The following COG5 variants were observed in gnomAD, a reference collection of about 807,000 sequenced individuals.
COG5 encodes conserved oligomeric Golgi complex subunit 5.
A neutral mutation model predicts 110.4 loss-of-function variants in COG5; 86 were observed. The observed-to-expected ratio is 0.78, with a 90% CI of 0.65 to 0.93. The LOEUF (loss-of-function observed/expected upper bound fraction) is 0.93. Ranked by LOEUF, COG5 falls within the 40% of genes least tolerant of loss-of-function variation. The pLI, the probability that COG5 is intolerant of heterozygous loss-of-function variation, is 0.00. For synonymous variants in COG5, 360 were observed against 334.6 expected (o/e 1.08, Z -0.83); for missense variants, 1,077 against 987.0 (o/e 1.09, Z -1.22).
At chr7:107,555,502 T>C (rs1803241138) in intron 2 of COG5, among the ~76,000 whole-genome samples, 1 of 152,218 alleles carries the variant, frequency 6.6e-6, no homozygotes, top group South Asian at 2.1e-4. Flanking sequence ...CCTCGGTCTT[T>C]TATTCGTAAG....
At position 107,338,877 on chromosome 7, in the gene COG5, T is replaced by C. The variant is rs1012191862; in HGVS notation, c.1027-14356A>G. On this transcript the variant is annotated intron_variant, in intron 10 of 21. Coordinates refer to ENST00000297135, the MANE Select transcript of COG5 (RefSeq NM_006348.5). ...CTCAACAAGAGATCCTTAAGGGAGT[T>C]CTAACCATGGAAATGAAAGAATGAT... Among the ~76,000 whole-genome samples, 6 of 152,050 alleles carry C rather than the reference T, an allele frequency of 3.9e-5. No homozygotes were observed. In the East Asian group the frequency reaches 1.2e-3, roughly 29 times the overall value.
intron 6 of COG5, among the ~76,000 whole-genome samples, chr7:107,431,015 A>G (rs867086340): frequency 6.6e-6 from 1 of 152,186 alleles, no homozygotes; most frequent in African/African-American, 2.4e-5. Flanking sequence ...AAACAAACAA[A>G]AAAAACAAAA....
At chr7:107,325,991 T>C (rs1435715821) in intron 10 of COG5, among the ~76,000 whole-genome samples, 1 of 152,228 alleles carries the variant, frequency 6.6e-6, no homozygotes, top group African/African-American at 2.4e-5. Flanking sequence ...TAGTTTAAAG[T>C]AGATGCTTTT....
chr7:107,390,071 C>T (rs1010099303), intron 7 of COG5, among the ~76,000 whole-genome samples: 12 of 152,078 alleles, frequency 7.9e-5, no homozygotes, highest in Non-Finnish European at 1.2e-4. Context: ...TATATCTGTT[C>T]GAAATATTAC....
intron 6 of COG5, among the ~76,000 whole-genome samples, chr7:107,426,974 CTGACAG>C (rs1372892979): frequency 6.6e-6 from 1 of 152,184 alleles, no homozygotes; most frequent in East Asian, 1.9e-4. Flanking sequence ...CTTAAAGAAA[CTGACAG>C]TGGTTGCAGC....
At chr7:107,543,833 C>T (rs796311895) in intron 5 of COG5, among the ~76,000 whole-genome samples, 13 of 152,322 alleles carry the variant, frequency 8.5e-5, no homozygotes, top group African/African-American at 3.1e-4. Flanking sequence ...AAAGTTCAGG[C>T]TCCTCTGGCA....
intron 5 of COG5, among the ~76,000 whole-genome samples, chr7:107,546,792 A>G (rs1458611246): frequency 1.3e-5 from 2 of 152,156 alleles, no homozygotes; most frequent in Non-Finnish European, 2.9e-5. Context: ...AAACTGATAC[A>G]TTTCTAGACA....
chr7:107,331,481 A>C (rs936163440), intron 10 of COG5, among the ~76,000 whole-genome samples: 9 of 152,076 alleles, frequency 5.9e-5, no homozygotes, highest in Non-Finnish European at 8.8e-5. Context: ...AAAAAAGAAA[A>C]AGAAAATCAC....
At chr7:107,279,106 C>T (rs1309880954) in intron 14 of COG5, among the ~76,000 whole-genome samples, 1 of 152,090 alleles carries the variant, frequency 6.6e-6, no homozygotes, top group Non-Finnish European at 1.5e-5. Flanking sequence ...AAACAAACAA[C>T]CCCATCAAAA....
chr7:107,360,520 C>T (rs141866311), intron 10 of COG5, among the ~76,000 whole-genome samples: 7 of 152,300 alleles, frequency 4.6e-5, no homozygotes, highest in East Asian at 1.9e-4. Context: ...AGATGCACCC[C>T]GAGCCAGGGT....
intron 19 of COG5, among the ~76,000 whole-genome samples, chr7:107,220,580 T>C (rs1279955724): frequency 2.6e-5 from 4 of 152,218 alleles, no homozygotes; most frequent in African/African-American, 9.6e-5. Flanking sequence ...TGCAGCCCTA[T>C]GGTCCCTGGA....
At chr7:107,358,097 A>C (rs1231718950) in intron 10 of COG5, among the ~76,000 whole-genome samples, 1 of 152,344 alleles carries the variant, frequency 6.6e-6, no homozygotes, top group African/African-American at 2.4e-5. Context: ...TTACAAACAT[A>C]AGCCTCCTAA....
At chr7:107,377,355 T>C (rs536182074) in intron 7 of COG5, among the ~76,000 whole-genome samples, 1 of 152,350 alleles carries the variant, frequency 6.6e-6, no homozygotes, top group South Asian at 2.1e-4. Context: ...TCAATTGGTA[T>C]AAACTCATAC....
chr7:107,218,195 T>C (rs1799660669), intron 19 of COG5, among the ~76,000 whole-genome samples: 1 of 151,942 alleles, frequency 6.6e-6, no homozygotes, highest in Non-Finnish European at 1.5e-5. Flanking sequence ...ATTGATGAAA[T>C]AAATTGACAA....
At chr7:107,353,852 C>A (rs1182695149) in intron 10 of COG5, among the ~76,000 whole-genome samples, 1 of 149,760 alleles carries the variant, frequency 6.7e-6, no homozygotes, top group African/African-American at 2.5e-5. Context: ...ATTACAGAAT[C>A]CCACTATCAT....
At chr7:107,542,803 T>C (rs1169969883) in intron 5 of COG5, among the ~76,000 whole-genome samples, 1 of 152,030 alleles carries the variant, frequency 6.6e-6, no homozygotes, top group Non-Finnish European at 1.5e-5. Context: ...ACTCTGTCTC[T>C]ACTAAAAACA....
At chr7:107,324,378 C>T in intron 11 of COG5, 62 bp downstream of exon 11, 2 of 1,059,792 alleles carry the variant, frequency 1.9e-6, no homozygotes, top group Non-Finnish European at 2.9e-6. Context: ...AGCTTCTTGA[C>T]ATCAAATGAT....
At chr7:107,326,860 G>A (rs1484373839) in intron 10 of COG5, among the ~76,000 whole-genome samples, 2 of 152,108 alleles carry the variant, frequency 1.3e-5, no homozygotes, top group Admixed American at 1.3e-4. Context: ...CAAAGCTAGA[G>A]GCCTCAGACT....
intron 11 of COG5, among the ~76,000 whole-genome samples, chr7:107,304,205 C>T (rs1231820659): frequency 6.6e-6 from 1 of 152,070 alleles, no homozygotes; most frequent in East Asian, 1.9e-4. Context: ...TAGGGACAGA[C>T]CCATCCGAAA....
Sources: gnomAD v4.1 joint callset for allele counts (sites outside exome capture counted in the v4.1 genomes callset) on GRCh38, gnomAD v4.1.1 for gene constraint, MANE v1.5 for transcripts, NCBI Gene and HGNC (gene_info 2026-07-23, HGNC 2026-07-21) for gene names.